Variants in LRMDA observed in about 807,000 individuals in gnomAD.
LRMDA encodes the protein leucine rich melanocyte differentiation associated, also known as leucine-rich melanocyte differentiation-associated protein.
In LRMDA, 18 loss-of-function variants were observed where a neutral mutation model predicts 29.8. The ratio of observed to expected loss-of-function variants is 0.60; its 90% CI spans 0.42 to 0.90. LRMDA has a LOEUF of 0.90. Ranked by LOEUF, LRMDA falls within the 40% of genes least tolerant of loss-of-function variation. The pLI is 0.00. For synonymous variants in LRMDA, 125 were observed against 109.4 expected (o/e 1.14, Z -0.89); for missense variants, 273 against 273.9 (o/e 1.00, Z 0.02).
At chr10:76,009,878 C>G (rs1847744689) in intron 2 of LRMDA, among the ~76,000 whole-genome samples, 1 of 151,838 alleles carries the variant, frequency 6.6e-6, no homozygotes, top group African/African-American at 2.4e-5. Flanking sequence ...CATCTTCCCC[C>G]TGTCAGAACT....
At chr10:75,777,325 G>A (rs530656115) in intron 2 of LRMDA, among the ~76,000 whole-genome samples, 15 of 152,268 alleles carry the variant, frequency 9.9e-5, no homozygotes, top group African/African-American at 1.7e-4. Flanking sequence ...GTGTCTCTGG[G>A]CCATCACATA....
At chr10:76,446,750 C>A (rs191783306) in intron 6 of LRMDA, among the ~76,000 whole-genome samples, 36 of 152,268 alleles carry the variant, frequency 2.4e-4, no homozygotes, top group Admixed American at 2.0e-3. Context: ...TTGGAGCTGC[C>A]ACGTTGCGTG....
At chr10:75,775,536 G>T (rs1843300565) in intron 2 of LRMDA, among the ~76,000 whole-genome samples, 1 of 152,192 alleles carries the variant, frequency 6.6e-6, no homozygotes, top group Non-Finnish European at 1.5e-5. Flanking sequence ...CAACATAATG[G>T]GTCATGATGT....
At chr10:75,443,930 A>G (rs1844360172) in intron 2 of LRMDA, among the ~76,000 whole-genome samples, 1 of 152,108 alleles carries the variant, frequency 6.6e-6, no homozygotes, top group Non-Finnish European at 1.5e-5. Context: ...CCAAGATGTT[A>G]GTTAAAAGAA....
intron 2 of LRMDA, among the ~76,000 whole-genome samples, chr10:75,614,641 CA>C (rs2132101705): frequency 6.6e-6 from 1 of 152,282 alleles, no homozygotes; most frequent in Admixed American, 6.5e-5. Flanking sequence ...GGAGAGGGGG[CA>C]CTTCAGTCCC....
chr10:76,157,190 A>G (rs1186875243), intron 5 of LRMDA, among the ~76,000 whole-genome samples: 2 of 152,220 alleles, frequency 1.3e-5, no homozygotes, highest in African/African-American at 4.8e-5. Context: ...TTTAGGACCA[A>G]TACAAAGATG....
chr10:76,151,536 A>G lies in LRMDA; in HGVS notation c.516+92753A>G, dbSNP rs139857121. 5.3e-5 allele frequency among the ~76,000 whole-genome samples: 8 copies of G among 152,340 alleles called. No individual in the cohort carries two copies. In the East Asian group the frequency reaches 1.5e-3, roughly 29 times the overall value. On this transcript the variant is annotated intron_variant, in intron 5 of 6. Coordinates refer to ENST00000611255, the MANE Select transcript of LRMDA (RefSeq NM_001305581.2). ...TCTTGATCGTCGCCTGGCACATATC[A>G]GGGGCCAAACAGATATTTATTTTAT...
At chr10:76,180,116 G>A (rs185223355) in intron 5 of LRMDA, among the ~76,000 whole-genome samples, 503 of 151,972 alleles carry the variant, frequency 3.3e-3, no homozygotes, top group South Asian at 3.3e-3. Context: ...CGTTAGTTTC[G>A]ATTTTGGGTA....
chr10:76,217,685 G>C (rs75207874), intron 5 of LRMDA, among the ~76,000 whole-genome samples: 2,027 of 152,302 alleles, frequency 0.013, 45 homozygotes, highest in African/African-American at 0.042. Flanking sequence ...AGGGATATGG[G>C]TAAGGTTGGA....
intron 2 of LRMDA, among the ~76,000 whole-genome samples, chr10:75,448,085 G>T (rs1844414998): frequency 1.3e-5 from 2 of 152,158 alleles, no homozygotes; most frequent in Non-Finnish European, 2.9e-5. Flanking sequence ...CAACTGGAGA[G>T]AGTTGCTAAG....
At chr10:75,741,686 G>A (rs990214974) in intron 2 of LRMDA, among the ~76,000 whole-genome samples, 2 of 152,118 alleles carry the variant, frequency 1.3e-5, no homozygotes, top group Non-Finnish European at 2.9e-5. Context: ...CCTTATCTTC[G>A]TTTTGGTGTC....
chr10:76,491,187 T>C (rs1842830780), intron 6 of LRMDA, among the ~76,000 whole-genome samples: 1 of 152,024 alleles, frequency 6.6e-6, no homozygotes, highest in South Asian at 2.1e-4. Flanking sequence ...TTCGTCTTCC[T>C]ACTTAGAATA....
At chr10:75,541,103 A>T (rs941653873) in intron 2 of LRMDA, among the ~76,000 whole-genome samples, 13 of 152,178 alleles carry the variant, frequency 8.5e-5, no homozygotes, top group African/African-American at 3.1e-4. Context: ...TGAATAGCCT[A>T]GGCAACCGCA....
At chr10:75,507,953 A>T (rs1377093183) in intron 2 of LRMDA, among the ~76,000 whole-genome samples, 1 of 152,142 alleles carries the variant, frequency 6.6e-6, no homozygotes, top group African/African-American at 2.4e-5. Flanking sequence ...AGCCCTATTG[A>T]TGTGCTAGTA....
intron 5 of LRMDA, among the ~76,000 whole-genome samples, chr10:76,181,115 T>C (rs1278268094): frequency 6.6e-6 from 1 of 152,162 alleles, no homozygotes; most frequent in African/African-American, 2.4e-5. Flanking sequence ...CCCCAGCCCA[T>C]TGGAATAGGC....
chr10:76,390,085 G>C (rs1196528921), intron 6 of LRMDA, among the ~76,000 whole-genome samples: 1 of 152,128 alleles, frequency 6.6e-6, no homozygotes, highest in Admixed American at 6.6e-5. Context: ...CATAGCAGCT[G>C]TACCATTTTA....
intron 2 of LRMDA, among the ~76,000 whole-genome samples, chr10:75,472,111 C>T (rs73290687): frequency 6.6e-6 from 1 of 152,142 alleles, no homozygotes; most frequent in Non-Finnish European, 1.5e-5. Context: ...CCTGCCTTCC[C>T]TCTTCCAAGT....
chr10:76,375,320 GA>G (rs11299089), intron 6 of LRMDA, among the ~76,000 whole-genome samples: 118,699 of 150,774 alleles, frequency 0.79, 47,725 homozygotes, highest in Non-Finnish European at 0.85. Context: ...TGTTTCAAAT[GA>G]AAAAAAAAAA....
At chr10:75,852,840 T>C (rs761841954) in intron 2 of LRMDA, among the ~76,000 whole-genome samples, 1 of 152,032 alleles carries the variant, frequency 6.6e-6, no homozygotes, top group Non-Finnish European at 1.5e-5. Context: ...GGGGTTGTAT[T>C]AGTCCGTTCT....
Sources: allele counts gnomAD v4.1 joint callset (sites outside exome capture counted in the v4.1 genomes callset), GRCh38; gene constraint gnomAD v4.1.1; transcripts MANE v1.5; gene names NCBI Gene and HGNC (gene_info 2026-07-23, HGNC 2026-07-21).